The following GAS7 variants were observed in gnomAD, a reference collection of about 807,000 sequenced individuals.
The protein encoded by GAS7 is growth arrest specific 7.
In GAS7, 28 loss-of-function variants were observed where a neutral mutation model predicts 71.1. The ratio of observed to expected loss-of-function variants is 0.39; its 90% CI spans 0.29 to 0.54. The LOEUF (loss-of-function observed/expected upper bound fraction) is 0.54, where lower values mean the gene tolerates loss of function less well. Ranked by LOEUF, GAS7 falls within the 20% of genes least tolerant of loss-of-function variation. The pLI is 0.62. For missense variants in GAS7, 436 were observed against 627.8 expected, an observed-to-expected ratio of 0.69 and a Z score of 3.27; for synonymous variants, 258 against 245.8, an observed-to-expected ratio of 1.05 and a Z score of -0.46.
chr17:10,016,520 T>C (rs1334911211), intron 2 of GAS7, among the ~76,000 whole-genome samples: 1 of 136,168 alleles, frequency 7.3e-6, no homozygotes, highest in Non-Finnish European at 1.5e-5. Context: ...CTCATGCCTA[T>C]AATCTCAGCA....
chr17:10,195,392 C>T (rs1373080785), intron 1 of GAS7, among the ~76,000 whole-genome samples: 1 of 152,158 alleles, frequency 6.6e-6, no homozygotes, highest in African/African-American at 2.4e-5. Flanking sequence ...CCAGTGTGCA[C>T]ACAGTATTCA....
chr17:10,191,027 T>C (rs2074494593), intron 1 of GAS7, among the ~76,000 whole-genome samples: 1 of 151,542 alleles, frequency 6.6e-6, no homozygotes, highest in Non-Finnish European at 1.5e-5. Flanking sequence ...AATACAAAAC[T>C]AGCCGGGTGT....
intron 2 of GAS7, among the ~76,000 whole-genome samples, chr17:10,000,102 A>G (rs2071211027): frequency 6.6e-6 from 1 of 152,230 alleles, no homozygotes; most frequent in Admixed American, 6.5e-5. Context: ...GGTCTGTTTC[A>G]TACTGAGATG....
chr17:10,072,802 T>C (rs2073354591), intron 1 of GAS7, among the ~76,000 whole-genome samples: 1 of 152,222 alleles, frequency 6.6e-6, no homozygotes, highest in Admixed American at 6.5e-5. Flanking sequence ...CCATAGTCTG[T>C]CTGGCCCCAG....
At chr17:10,054,770 A>T (rs116622701) in intron 1 of GAS7, among the ~76,000 whole-genome samples, 19 of 152,346 alleles carry the variant, frequency 1.2e-4, no homozygotes, top group African/African-American at 4.6e-4. Context: ...GCTGGATGCC[A>T]GCTTCCACGG....
intron 7 of GAS7, among the ~76,000 whole-genome samples, chr17:9,941,311 A>G (rs2152091588): frequency 6.6e-6 from 1 of 152,186 alleles, no homozygotes; most frequent in East Asian, 1.9e-4. Flanking sequence ...TGGTCAAGAG[A>G]GATATCTAGA....
At chr17:10,067,712 C>G (rs1052949338) in intron 1 of GAS7, among the ~76,000 whole-genome samples, 1 of 152,204 alleles carries the variant, frequency 6.6e-6, no homozygotes, top group Non-Finnish European at 1.5e-5. Context: ...CCTAGTCCCC[C>G]TACACCATGA....
intron 5 of GAS7, among the ~76,000 whole-genome samples, chr17:9,954,751 G>T (rs1315975189): frequency 6.6e-6 from 1 of 152,154 alleles, no homozygotes; most frequent in East Asian, 1.9e-4. Flanking sequence ...GCACGGGACA[G>T]CTCCCCACAA....
At chr17:10,179,185 C>T (rs904309241) in intron 1 of GAS7, among the ~76,000 whole-genome samples, 3 of 151,950 alleles carry the variant, frequency 2.0e-5, no homozygotes, top group Admixed American at 6.6e-5. Flanking sequence ...CAAAATTAGC[C>T]GGGCGTGGTG....
intron 5 of GAS7, among the ~76,000 whole-genome samples, chr17:9,955,067 C>T (rs1325891322): frequency 1.3e-5 from 2 of 151,752 alleles, no homozygotes; most frequent in East Asian, 3.8e-4. Flanking sequence ...GAGCAGGGTC[C>T]AGAACCAGCT....
chr17:10,093,100 G>A (rs753446311), intron 1 of GAS7, among the ~76,000 whole-genome samples: 20 of 152,162 alleles, frequency 1.3e-4, no homozygotes, highest in Admixed American at 1.1e-3. Context: ...TGTCAATGTC[G>A]TTGCTGTGTT....
intron 1 of GAS7, among the ~76,000 whole-genome samples, chr17:10,086,203 A>G (rs919354081): frequency 1.3e-5 from 2 of 152,204 alleles, no homozygotes; most frequent in African/African-American, 4.8e-5. Flanking sequence ...TTCTTTCTGC[A>G]TTGAGATGAA....
At chr17:10,155,018 CT>C (rs34790124) in intron 1 of GAS7, among the ~76,000 whole-genome samples, 195 of 142,796 alleles carry the variant, frequency 1.4e-3, no homozygotes, top group South Asian at 2.5e-3. Context: ...ACCAATAACT[CT>C]TTTTTTTTTT....
At chr17:10,193,083 G>A (rs1398110783) in intron 1 of GAS7, among the ~76,000 whole-genome samples, 1 of 152,118 alleles carries the variant, frequency 6.6e-6, no homozygotes, top group Non-Finnish European at 1.5e-5. Flanking sequence ...TCTATTAGAT[G>A]TCAGGGAGCT....
At chr17:9,967,047 C>T (rs1484494482) in intron 4 of GAS7, among the ~76,000 whole-genome samples, 1 of 152,068 alleles carries the variant, frequency 6.6e-6, no homozygotes, top group African/African-American at 2.4e-5. Flanking sequence ...ACCTCAGCTC[C>T]CAAGGTTACC....
intron 2 of GAS7, among the ~76,000 whole-genome samples, chr17:10,005,560 G>A (rs976197044): frequency 6.6e-6 from 1 of 152,044 alleles, no homozygotes; most frequent in African/African-American, 2.4e-5. Flanking sequence ...GTTCATGCAG[G>A]AAGGTGGGGC....
At chr17:10,148,423 A>G (rs1017003801) in intron 1 of GAS7, among the ~76,000 whole-genome samples, 4 of 150,348 alleles carry the variant, frequency 2.7e-5, no homozygotes, top group African/African-American at 9.8e-5. Context: ...AGCATGGCCA[A>G]TATGGTGAAA....
chr17:10,053,638 A>G (rs1159632621), intron 1 of GAS7, among the ~76,000 whole-genome samples: 2 of 152,096 alleles, frequency 1.3e-5, no homozygotes, highest in African/African-American at 4.8e-5. Context: ...GAGCCCACAG[A>G]TGCAAGTGCT....
intron 1 of GAS7, among the ~76,000 whole-genome samples, chr17:10,143,088 G>A (rs1402067306): frequency 6.6e-6 from 1 of 152,034 alleles, no homozygotes; most frequent in African/African-American, 2.4e-5. Context: ...AGGCTGAGGC[G>A]GGAGAATCGC....
Sources: gnomAD v4.1 joint callset for allele counts (sites outside exome capture counted in the v4.1 genomes callset) on GRCh38, gnomAD v4.1.1 for gene constraint, MANE v1.5 for transcripts, NCBI Gene and HGNC (gene_info 2026-07-23, HGNC 2026-07-21) for gene names.